RUNX2: variants seen among roughly 807,000 people sequenced by gnomAD.
The protein encoded by RUNX2 is runt-related transcription factor 2.
Under a neutral mutation model 51.7 loss-of-function variants are expected in RUNX2, and 10 were observed. The observed-to-expected ratio is 0.19, with a 90% confidence interval of 0.12 to 0.33. The LOEUF is 0.33. Ranked by LOEUF, RUNX2 falls within the 10% of genes least tolerant of loss-of-function variation. The probability of loss-of-function intolerance (pLI) is 1.00; values close to 1 mark genes in which losing one functional copy is unlikely to be tolerated. For synonymous variants in RUNX2, 276 were observed against 273.6 expected (o/e 1.01, Z -0.09); for missense variants, 562 against 691.3 (o/e 0.81, Z 2.10).
intron 6 of RUNX2, among the ~76,000 whole-genome samples, chr6:45,499,662 A>G (rs1800743686): frequency 6.6e-6 from 1 of 152,168 alleles, no homozygotes; most frequent in Non-Finnish European, 1.5e-5. Context: ...TCCCAGAAAA[A>G]TTATTTTTTT....
intron 2 of RUNX2, among the ~76,000 whole-genome samples, chr6:45,384,851 C>T (rs988901862): frequency 7.3e-5 from 11 of 151,298 alleles, no homozygotes; most frequent in Non-Finnish European, 1.3e-4. Flanking sequence ...CAGATGCACA[C>T]CACCATACCC....
chr6:45,357,721 C>T (rs543507648), intron 2 of RUNX2, among the ~76,000 whole-genome samples: 2 of 152,236 alleles, frequency 1.3e-5, no homozygotes, highest in South Asian at 4.1e-4. Flanking sequence ...TGACAGAATA[C>T]TACATAACAT....
At chr6:45,426,063 G>T (rs185860144) in intron 3 of RUNX2, among the ~76,000 whole-genome samples, 8 of 152,212 alleles carry the variant, frequency 5.3e-5, no homozygotes, top group Non-Finnish European at 8.8e-5. Flanking sequence ...GTTTAAACAC[G>T]ATATTGTCAA....
rs553763448 is a variant in RUNX2 at position 45,373,239 on chromosome 6, C to T, written c.58+44455C>T. 7.2e-5 allele frequency among the ~76,000 whole-genome samples: 11 copies of T among 152,214 alleles called. No individual in the cohort carries two copies. In the East Asian group the frequency reaches 1.2e-3, roughly 16 times the overall value. ...TATTACAGGCATGAAGTCACAGAGC[C>T]GGCCACGATTTTCATGTTCATTATC... is the stretch of plus-strand genomic sequence containing the variant. On this transcript the variant is annotated intron_variant, in intron 2 of 8. Transcript: ENST00000647337.
At chr6:45,455,480 C>T (rs1224946172) in intron 5 of RUNX2, among the ~76,000 whole-genome samples, 4 of 152,122 alleles carry the variant, frequency 2.6e-5, no homozygotes, top group African/African-American at 9.7e-5. Flanking sequence ...GTTAATTGAG[C>T]AAACATTTGC....
At chr6:45,540,861 G>C (rs555826268) in intron 7 of RUNX2, among the ~76,000 whole-genome samples, 13 of 152,314 alleles carry the variant, frequency 8.5e-5, no homozygotes, top group South Asian at 4.1e-4. Context: ...GGAAATAACA[G>C]TGGAAGCAAA....
chr6:45,518,826 G>A (rs1352678998), intron 7 of RUNX2, among the ~76,000 whole-genome samples: 1 of 152,130 alleles, frequency 6.6e-6, no homozygotes, highest in African/African-American at 2.4e-5. Flanking sequence ...GAAAACTTGA[G>A]TGTATGAACC....
At chr6:45,343,142 C>G (rs1790156734) in intron 2 of RUNX2, among the ~76,000 whole-genome samples, 1 of 152,150 alleles carries the variant, frequency 6.6e-6, no homozygotes, top group Admixed American at 6.6e-5. Flanking sequence ...CTTAAATCAT[C>G]TTAAGTCTAA....
intron 2 of RUNX2, among the ~76,000 whole-genome samples, chr6:45,420,632 T>C (rs1258616854): frequency 6.6e-6 from 1 of 152,192 alleles, no homozygotes; most frequent in Non-Finnish European, 1.5e-5. Flanking sequence ...AACTGATGAT[T>C]TTTTTCGCAA....
chr6:45,361,778 G>T (rs185782151), intron 2 of RUNX2: 1 of 152,382 alleles, frequency 6.6e-6, no homozygotes, highest in Admixed American at 6.5e-5. Flanking sequence ...GGCCAGGCAC[G>T]GTGGGTCAAG....
intron 2 of RUNX2, among the ~76,000 whole-genome samples, chr6:45,413,512 C>A: frequency 8.0e-6 from 1 of 125,484 alleles, no homozygotes; most frequent in Non-Finnish European, 1.6e-5. Context: ...CTCACTGCAA[C>A]ATTTGCCTCC....
In RUNX2 at chr6:45,548,118, GTTGTT is replaced by G. The variant is rs1345378360; in HGVS notation, c.*816_*820del. The G allele has an allele frequency of 6.6e-6, 1 of 152,348 alleles. No individual in the cohort carries two copies. Among genetic ancestry groups the G allele is most frequent in the Non-Finnish European group, 1.5e-5 (1 of 68,004 alleles). The allele number at this position is 152,348 out of a possible 1,614,324, so 9.4% of individuals were successfully genotyped here. A position where few individuals can be genotyped will look rare whatever the true frequency, so the allele number is the denominator to read the frequency against. ...AGATAGTGATTGCGTTTGGCTATGT[GTTGTT>G]TTCTTTTTTTTTAAATTATGAATAT... On this transcript the variant is annotated 3_prime_UTR_variant, in exon 9 of 9. Coordinates refer to ENST00000647337, the MANE Select transcript of RUNX2 (RefSeq NM_001024630.4).
At chr6:45,546,758 TAACA>T in intron 8 of RUNX2, 65 bp from the exon 9 acceptor site, 1 of 1,342,070 alleles carries the variant, frequency 7.5e-7, no homozygotes, top group Admixed American at 1.7e-5. Flanking sequence ...TTTTTTCTTG[TAACA>T]ATTCTATCAT....
chr6:45,479,549 G>A (rs1261131230), intron 5 of RUNX2, among the ~76,000 whole-genome samples: 2 of 152,036 alleles, frequency 1.3e-5, no homozygotes, highest in South Asian at 2.1e-4. Flanking sequence ...TGTACACATA[G>A]GTATGCATAT....
At chr6:45,351,175 G>A (rs970258088) in intron 2 of RUNX2, among the ~76,000 whole-genome samples, 1 of 151,974 alleles carries the variant, frequency 6.6e-6, no homozygotes, top group African/African-American at 2.4e-5. Context: ...TGTAATAGCT[G>A]GTCACAGAAA....
chr6:45,509,780 C>T (rs1383004679), intron 6 of RUNX2, among the ~76,000 whole-genome samples: 5 of 152,134 alleles, frequency 3.3e-5, no homozygotes, highest in African/African-American at 4.8e-5. Context: ...AATTCCTTTT[C>T]GTCATTTTTT....
intron 5 of RUNX2, among the ~76,000 whole-genome samples, chr6:45,465,390 A>G (rs1478065016): frequency 2.6e-5 from 4 of 152,104 alleles, no homozygotes; most frequent in Non-Finnish European, 5.9e-5. Context: ...CTGCCTGGAT[A>G]ATAAATATTA....
rs1365946839 is a variant in RUNX2 at position 45,329,636 on chromosome 6, GA to G, written c.58+857del. Among the ~76,000 whole-genome samples, 4 of 151,956 alleles carry G rather than the reference GA, an allele frequency of 2.6e-5. No homozygotes were observed. The East Asian group carries it at 5.8e-4, about 22-fold the overall frequency. ...ATGAATAACTGCTGTTTAGTCTCAT[GA>G]AAAATAAAGCTCCATAAGGATACCC... On this transcript the variant is annotated intron_variant, in intron 2 of 8. Coordinates refer to ENST00000647337, the MANE Select transcript of RUNX2 (RefSeq NM_001024630.4).
intron 6 of RUNX2, among the ~76,000 whole-genome samples, chr6:45,503,668 A>G (rs1024939647): frequency 3.9e-5 from 6 of 152,204 alleles, no homozygotes; most frequent in African/African-American, 1.4e-4. Context: ...CAAGGCTGAG[A>G]GGCCAGGACA....
Sources: allele counts gnomAD v4.1 joint callset (sites outside exome capture counted in the v4.1 genomes callset), GRCh38; gene constraint gnomAD v4.1.1; transcripts MANE v1.5; gene names NCBI Gene and HGNC (gene_info 2026-07-23, HGNC 2026-07-21).